The following TAS1R2 variants were observed in gnomAD, a reference collection of about 807,000 sequenced individuals.
TAS1R2 encodes the protein taste 1 receptor member 2, also known as taste receptor type 1 member 2.
A neutral mutation model predicts 49.3 loss-of-function variants in TAS1R2; 47 were observed. The ratio of observed to expected loss-of-function variants is 0.95; its 90% CI spans 0.75 to 1.22. TAS1R2 has a LOEUF of 1.22. Ranked by LOEUF, TAS1R2 falls within the 50% of genes most tolerant of loss-of-function variation. The pLI, the probability that TAS1R2 is intolerant of heterozygous loss-of-function variation, is 0.00. For missense variants in TAS1R2, 1,155 were observed against 1,122.1 expected, an observed-to-expected ratio of 1.03 and a Z score of -0.42; for synonymous variants, 479 against 467.9, an observed-to-expected ratio of 1.02 and a Z score of -0.31.
At chr1:18,858,244 C>T (rs556065211) in intron 1 of TAS1R2, 1 of 153,712 alleles carries the variant, frequency 6.5e-6, no homozygotes, top group South Asian at 2.1e-4. Context: ...ACCCCCATCA[C>T]CATCATCACT....
rs557180746 is a variant in TAS1R2, at chr1:18,855,082, T to C, written c.484-96A>G. The C allele has an allele frequency of 2.9e-4, 432 of 1,474,960 alleles. 4 individuals carry two copies. The South Asian group carries it at 5.3e-3, about 18-fold the overall frequency. The allele number at this position is 1,474,960 out of a possible 1,614,324, so 91.4% of individuals were successfully genotyped here. On this transcript the variant is annotated intron_variant, in intron 2 of 5. Coordinates refer to ENST00000375371, the Ensembl canonical transcript of TAS1R2. The stretch of plus-strand genomic sequence containing the variant: ...CCACCATCATCATCTGGGAAGCACC[T>C]AGTGCAAGCCACCCCAGGGGTAGGT...
intron 4 of TAS1R2, among the ~76,000 whole-genome samples, chr1:18,847,820 C>A (rs1231003185): frequency 6.6e-6 from 1 of 152,186 alleles, no homozygotes; most frequent in African/African-American, 2.4e-5. Context: ...GGACAATTTA[C>A]AAAAGAAAGA....
intron 4 of TAS1R2, among the ~76,000 whole-genome samples, chr1:18,847,018 C>A (rs1418459440): frequency 1.3e-5 from 2 of 152,224 alleles, no homozygotes; most frequent in Non-Finnish European, 2.9e-5. Flanking sequence ...GTGGCTCCCC[C>A]TTTGCCTCCC....
exon 1 of TAS1R2, chr1:18,859,552 C>T: frequency 6.2e-7 from 1 of 1,614,156 alleles, no homozygotes; most frequent in Non-Finnish European, 8.5e-7. Context: ...GAGAAGAGGC[C>T]ACCCAGGAGG....
At chr1:18,840,475 C>G (rs1933802839) in exon 6 of TAS1R2, 1 of 1,614,218 alleles carries the variant, frequency 6.2e-7, no homozygotes, top group Non-Finnish European at 8.5e-7. Flanking sequence ...AGCAGGAGGT[C>G]TCACTCTGGT....
intron 4 of TAS1R2, 130 bp from the exon 5 acceptor site, chr1:18,841,982 T>TACA: frequency 6.1e-5 from 32 of 520,966 alleles, no homozygotes; most frequent in East Asian, 1.6e-4. Context: ...GTGGAAACTG[T>TACA]AGAAAAAAAA....
rs769512571 is a variant in TAS1R2 at position 18,854,365 on chromosome 1, C to A, written c.1105G>T (p.Ala369Ser). The change falls in exon 3 of 6, where the codon GCC becomes TCC. Residue 369 changes from alanine (A) to serine (S), a missense_variant. By Grantham distance (99) the Ala-to-Ser change is moderately conservative. Coordinates refer to ENST00000375371, the Ensembl canonical transcript of TAS1R2. The surrounding 1 kb of genome is among the most constrained non-coding windows in gnomAD (Gnocchi z 4.9). ...AGAATGGTGTTGAAGGACAAGGTGGCGTTCAGGCAGTTGTCGCACTCCTGG... is the reference window on the plus strand; with the variant it reads ...AGAATGGTGTTGAAGGACAAGGTGGAGTTCAGGCAGTTGTCGCACTCCTGG... The A allele has an allele frequency of 1.2e-6, 2 of 1,613,848 alleles. No homozygotes were observed. Among genetic ancestry groups the A allele is most frequent in the East Asian group, 2.2e-5 (1 of 44,864 alleles).
In TAS1R2 at chr1:18,854,879, C is replaced by A. The variant is rs763831401; in HGVS notation, c.591G>T (p.Leu197=). 13 of 1,612,524 alleles carry A rather than the reference C, an allele frequency of 8.1e-6. No homozygotes were observed. The highest frequency in any genetic ancestry group is 3.3e-4 in the Middle Eastern group (2 of 6,084). ...TCCAGTTCCAGCGGAAGTGCAGCAT[C>A]AGCTGCACCATGGCCTCGATGTGGT... The change falls in exon 3 of 6, where the codon CTG becomes CTT. Residue 197 remains leucine (L), a synonymous_variant. Coordinates refer to ENST00000375371, the Ensembl canonical transcript of TAS1R2. This position sits in a 1 kb window ranked among gnomAD's most constrained non-coding sequence, Gnocchi z 4.9.
At chr1:18,848,503 A>T (rs1319422086) in intron 4 of TAS1R2, among the ~76,000 whole-genome samples, 1 of 152,102 alleles carries the variant, frequency 6.6e-6, no homozygotes, top group African/African-American at 2.4e-5. Context: ...CTATTGATAA[A>T]GCAGAGGTCC....
At chr1:18,840,398 G>A in exon 6 of TAS1R2, 1 of 1,614,144 alleles carries the variant, frequency 6.2e-7, no homozygotes, top group Non-Finnish European at 8.5e-7. Flanking sequence ...GAAGCCCAGG[G>A]CGGCCAGCAG....
exon 6 of TAS1R2, chr1:18,839,881 G>T: frequency 6.2e-7 from 1 of 1,614,234 alleles, no homozygotes; most frequent in Non-Finnish European, 8.5e-7. Flanking sequence ...TGCCCATGTA[G>T]GCGAAGCTGA....
At position 18,854,186 on chromosome 1, in the gene TAS1R2, C is replaced by A. The variant is rs771614683; in HGVS notation, c.1257+27G>T. ...AGGGGAGGAGGATGGAGGTGCCCTG[C>A]AGACTCTATGGCAGCCACCCCCTCA... On this transcript the variant is annotated intron_variant, in intron 3 of 5. Transcript: ENST00000375371. The surrounding 1 kb of genome is among the most constrained non-coding windows in gnomAD (Gnocchi z 4.9). The A allele has an allele frequency of 5.6e-6, 9 of 1,602,526 alleles. No homozygotes were observed. The highest frequency in any genetic ancestry group is 6.8e-6 in the Non-Finnish European group (8 of 1,172,334).
Position 18,857,640 on chromosome 1 carries a change from G to A in TAS1R2, c.183-9C>T, listed in dbSNP as rs764704856. 44 of 1,607,446 alleles carry A rather than the reference G, an allele frequency of 2.7e-5. No individual in the cohort carries two copies. In the African/African-American group the frequency reaches 5.5e-4, roughly 20 times the overall value. The stretch of plus-strand genomic sequence containing the variant: ...TCACCTTCACTTCATACCTGGAGGG[G>A]CCACAGCATCATGAGGTGGAAGCAG... On this transcript the variant is annotated splice_polypyrimidine_tract_variant and intron_variant, in intron 1 of 5. Transcript: ENST00000375371.
chr1:18,839,612 A>G (rs1397335186), exon 6 of TAS1R2: 5 of 1,612,830 alleles, frequency 3.1e-6, no homozygotes, highest in Non-Finnish European at 4.2e-6. Flanking sequence ...GTCCCTCCTC[A>G]TGGTGTAGCC....
At chr1:18,849,580 G>A in intron 3 of TAS1R2, 30 bp from the exon 4 acceptor site, 1 of 1,610,064 alleles carries the variant, frequency 6.2e-7, no homozygotes, top group Non-Finnish European at 8.5e-7. Flanking sequence ...GGGAAGTGGA[G>A]CTAGCATCAG....
At position 18,854,298 on chromosome 1, in the gene TAS1R2, G is replaced by A. The variant is rs768209495; in HGVS notation, c.1172C>T (p.Ala391Val). 1.3e-5 allele frequency: 21 copies of A among 1,614,030 alleles called. No homozygotes were observed. Among genetic ancestry groups the A allele is most frequent in the East Asian group, 4.5e-5 (2 of 44,884 alleles). Residue 391 changes from alanine to valine, a missense_variant, in exon 3 of 6, where the codon GCG (alanine) becomes GTG (valine). Coordinates refer to ENST00000375371, the Ensembl canonical transcript of TAS1R2. This position sits in a 1 kb window ranked among gnomAD's most constrained non-coding sequence, Gnocchi z 4.9. ...CAGGGCATGGGCCACAGCATAGACC[G>A]CAGAGTACACGCTGTAGACGACACG...
At position 18,859,447 on chromosome 1, in the gene TAS1R2, C is replaced by T. The variant is rs529052454; in HGVS notation, c.182+32G>A. ...GGCCTGGCCTCCCACCCCATCCCCA[C>T]TGCCACTTCCAGCCCCACACTGGAG... On this transcript the variant is annotated intron_variant, in intron 1 of 5. Coordinates refer to ENST00000375371, the Ensembl canonical transcript of TAS1R2. 3.7e-6 allele frequency: 6 copies of T among 1,612,420 alleles called. No individual in the cohort carries two copies. The African/African-American group carries it at 8.0e-5, about 21-fold the overall frequency.
chr1:18,857,899 A>G (rs983682674), intron 1 of TAS1R2, among the ~76,000 whole-genome samples: 4 of 151,856 alleles, frequency 2.6e-5, no homozygotes, highest in Non-Finnish European at 5.9e-5. Context: ...CCACTCTACC[A>G]ATGTCCACCA....
At chr1:18,858,577 TCAC>T (rs766844499) in intron 1 of TAS1R2, 32 of 152,526 alleles carry the variant, frequency 2.1e-4, no homozygotes, top group African/African-American at 7.0e-4. Flanking sequence ...ATCACCATCA[TCAC>T]CACCATTACC....
Sources: gnomAD v4.1 joint callset for allele counts (sites outside exome capture counted in the v4.1 genomes callset) on GRCh38, gnomAD v4.1.1 for gene constraint, Gnocchi (gnomAD v3.1) non-coding constraint, MANE v1.5 for transcripts, NCBI Gene and HGNC (gene_info 2026-07-23, HGNC 2026-07-21) for gene names.